Variants in ELF5 observed in about 807,000 individuals in gnomAD.
ELF5 encodes the protein E74 like ETS transcription factor 5, also known as ETS-related transcription factor Elf-5.
Under a neutral mutation model 38.2 loss-of-function variants are expected in ELF5, and 31 were observed. That is an observed-to-expected ratio of 0.81 (90% CI 0.61 to 1.10). The LOEUF (loss-of-function observed/expected upper bound fraction) is 1.10. ELF5 is among the 50% of genes least tolerant of loss of function. The pLI is 0.00. For missense variants in ELF5, 300 were observed against 306.6 expected (o/e 0.98, Z 0.16); for synonymous variants, 121 against 112.5 (o/e 1.08, Z -0.48).
In ELF5 at chr11:34,505,767, A is replaced by G; in HGVS notation, c.-4-14T>C. 6.2e-7 allele frequency: 1 copy of G among 1,612,100 alleles called. No individual in the cohort carries two copies. Among genetic ancestry groups the G allele is most frequent in the Non-Finnish European group, 8.5e-7 (1 of 1,178,970 alleles). On this transcript the variant is annotated splice_polypyrimidine_tract_variant and intron_variant, in intron 1 of 6. Transcript: ENST00000257832. The stretch of plus-strand genomic sequence containing the variant: ...TCCAACATTACCCTGCAACAGCAGG[A>G]GAGGTCGTGAGGAGGCTGGGGTGAG...
chr11:34,483,434 G>C (rs1856987076), intron 4 of ELF5, among the ~76,000 whole-genome samples: 1 of 151,922 alleles, frequency 6.6e-6, no homozygotes, highest in African/African-American at 2.4e-5. Flanking sequence ...GCATATAGTA[G>C]GTGCTCAGTA....
chr11:34,482,479 T>C lies in ELF5; in HGVS notation c.427A>G (p.Lys143Glu), dbSNP rs1471657078. The C allele has an allele frequency of 1.2e-6, 2 of 1,613,204 alleles. No individual in the cohort carries two copies. Among genetic ancestry groups the C allele is most frequent in the African/African-American group, 2.7e-5 (2 of 74,912 alleles). Reference protein sequence around the residue: ...IKDYADSNCLKTSGIKSQDCH... With the variant: ...IKDYADSNCLETSGIKSQDCH... Reference sequence around the variant, plus strand: ...TCTTGACTTTTGATGCCACTTGTTTTCAAGCAGTTGGAATCAGCATCTGAA... The same window carrying C: ...TCTTGACTTTTGATGCCACTTGTTTCCAAGCAGTTGGAATCAGCATCTGAA... Residue 143 changes from lysine (K) to glutamate (E), a missense_variant, in exon 5 of 7, where the codon AAA becomes GAA. Physicochemically the swap from Lys to Glu is moderately conservative, Grantham distance 56 (BLOSUM62 1). Coordinates refer to ENST00000257832, the MANE Select transcript of ELF5 (RefSeq NM_001422.4).
chr11:34,508,176 C>G (rs1031577933), intron 1 of ELF5, among the ~76,000 whole-genome samples: 8 of 152,132 alleles, frequency 5.3e-5, no homozygotes, highest in Non-Finnish European at 1.2e-4. Flanking sequence ...AAAATGCAGT[C>G]CCTCACCTAT....
intron 1 of ELF5, among the ~76,000 whole-genome samples, chr11:34,506,448 C>T (rs1190442778): frequency 2.0e-5 from 3 of 152,180 alleles, no homozygotes; most frequent in African/African-American, 4.8e-5. Flanking sequence ...GTGCAATACA[C>T]ACAGGTAACA....
intron 2 of ELF5, among the ~76,000 whole-genome samples, chr11:34,496,430 G>A (rs1850322832): frequency 6.6e-6 from 1 of 152,346 alleles, no homozygotes; most frequent in East Asian, 1.9e-4. Flanking sequence ...GAGTGGCAGA[G>A]CGGAGGCTGC....
rs192160124 is a variant in ELF5 at position 34,508,663 on chromosome 11, C to A, written c.-4-2910G>T. Among the ~76,000 whole-genome samples, 32 of 152,298 alleles carry A rather than the reference C, an allele frequency of 2.1e-4. No homozygotes were observed. The East Asian group carries it at 4.2e-3, about 20-fold the overall frequency. Reference sequence around the variant, plus strand: ...GGCCCTTTAAGAAAAAGTTTGCAACCCCTAACCAGATTCATCTGGCATGTT... The same window carrying A: ...GGCCCTTTAAGAAAAAGTTTGCAACACCTAACCAGATTCATCTGGCATGTT... On this transcript the variant is annotated intron_variant, in intron 1 of 6. Coordinates refer to ENST00000257832, the MANE Select transcript of ELF5 (RefSeq NM_001422.4).
At chr11:34,493,979 A>AG (rs1850250452) in intron 2 of ELF5, among the ~76,000 whole-genome samples, 1 of 152,236 alleles carries the variant, frequency 6.6e-6, no homozygotes, top group Admixed American at 6.5e-5. Context: ...GCTCAAAAAA[A>AG]AAGGCATTTA....
chr11:34,512,726 G>T (rs1030265798), intron 1 of ELF5, among the ~76,000 whole-genome samples: 1 of 152,060 alleles, frequency 6.6e-6, no homozygotes, highest in African/African-American at 2.4e-5. Context: ...GAAAAAGGGA[G>T]ATGACCAAAC....
chr11:34,489,789 A>G (rs1850113822), intron 4 of ELF5, among the ~76,000 whole-genome samples: 1 of 152,224 alleles, frequency 6.6e-6, no homozygotes, highest in South Asian at 2.1e-4. Flanking sequence ...ATGGAGTCTC[A>G]GACGATAAGC....
At chr11:34,501,870 C>T (rs1446476848) in intron 2 of ELF5, among the ~76,000 whole-genome samples, 2 of 152,148 alleles carry the variant, frequency 1.3e-5, no homozygotes, top group African/African-American at 4.8e-5. Flanking sequence ...GTATTCCACC[C>T]TTCCCTCTCC....
chr11:34,499,554 A>G lies in ELF5; in HGVS notation c.122-5842T>C, dbSNP rs76086347. Among the ~76,000 whole-genome samples the G allele has an allele frequency of 6.2e-3, 942 of 152,282 alleles. 10 individuals are homozygous for G. Among genetic ancestry groups the G allele is most frequent in the African/African-American group, 0.022 (908 of 41,562 alleles). On this transcript the variant is annotated intron_variant, in intron 2 of 6. Transcript: ENST00000257832. ...CCACTGTGCCTGGCCTGATTTTTAT[A>G]TTACAACAAAATAGATATGCAGCAG...
intron 1 of ELF5, among the ~76,000 whole-genome samples, chr11:34,507,072 G>T (rs1002366702): frequency 2.0e-5 from 3 of 152,138 alleles, no homozygotes; most frequent in African/African-American, 7.2e-5. Flanking sequence ...TTTATTTATT[G>T]CACTGAGTGA....
intron 4 of ELF5, among the ~76,000 whole-genome samples, chr11:34,484,384 G>GTACTA (rs1857020030): frequency 6.6e-6 from 1 of 151,140 alleles, no homozygotes. Context: ...ATACTCTACT[G>GTACTA]TACTATACTA....
intron 3 of ELF5, 71 bp from the exon 4 acceptor site, chr11:34,490,130 G>C: frequency 6.6e-7 from 1 of 1,525,642 alleles, no homozygotes; most frequent in South Asian, 1.1e-5. Context: ...CCAGGAGAGG[G>C]GGTGTTGGAG....
intron 3 of ELF5, among the ~76,000 whole-genome samples, chr11:34,491,061 C>T (rs566668054): frequency 6.6e-6 from 1 of 152,182 alleles, no homozygotes; most frequent in Non-Finnish European, 1.5e-5. Context: ...CAGCTCCTCT[C>T]CTCCATAAAA....
At chr11:34,495,555 A>T (rs917808609) in intron 2 of ELF5, among the ~76,000 whole-genome samples, 1 of 152,250 alleles carries the variant, frequency 6.6e-6, no homozygotes, top group Non-Finnish European at 1.5e-5. Context: ...CTTAAAACTC[A>T]AAGGTCTTCC....
chr11:34,484,883 C>T (rs1849945642), intron 4 of ELF5, among the ~76,000 whole-genome samples: 1 of 152,178 alleles, frequency 6.6e-6, no homozygotes, highest in Non-Finnish European at 1.5e-5. Context: ...TCCACTTCTA[C>T]CCAGCGGACC....
intron 3 of ELF5, 137 bp downstream of exon 3, chr11:34,493,342 A>C: frequency 1.2e-6 from 1 of 813,208 alleles, no homozygotes; most frequent in Non-Finnish European, 2.0e-6. Context: ...GCTTCCAGTT[A>C]TTGAAGGTTT....
At chr11:34,481,927 T>G (rs1856951497) in intron 5 of ELF5, among the ~76,000 whole-genome samples, 1 of 152,246 alleles carries the variant, frequency 6.6e-6, no homozygotes, top group South Asian at 2.1e-4. Context: ...AATTGTTTTC[T>G]ACACACACAT....
Sources: allele counts gnomAD v4.1 joint callset (sites outside exome capture counted in the v4.1 genomes callset), GRCh38; gene constraint gnomAD v4.1.1; transcripts MANE v1.5; gene names NCBI Gene and HGNC (gene_info 2026-07-23, HGNC 2026-07-21).